Variants in DYM observed in about 807,000 individuals in gnomAD.
DYM encodes dyggve-Melchior-Clausen syndrome protein.
Under a neutral mutation model 93.1 loss-of-function variants are expected in DYM, and 78 were observed. That is an observed-to-expected ratio of 0.84 (90% confidence interval 0.70 to 1.01). The LOEUF is 1.01. Among genes scored for constraint, DYM ranks in the 50% least tolerant of loss-of-function variants. The pLI, the probability that DYM is intolerant of heterozygous loss-of-function variation, is 0.00. For missense variants in DYM, 789 were observed against 845.0 expected (o/e 0.93, Z 0.82); for synonymous variants, 321 against 319.7 (o/e 1.00, Z -0.04).
chr18:49,300,070 AATATATATATAT>A (rs948967726), intron 8 of DYM, among the ~76,000 whole-genome samples: 1,538 of 141,650 alleles, frequency 0.011, 29 homozygotes, highest in African/African-American at 0.039. Context: ...TATATATATA[AATATATATATAT>A]ATAAATATAT....
chr18:49,354,995 T>C (rs1394023208), intron 6 of DYM, among the ~76,000 whole-genome samples: 1 of 149,962 alleles, frequency 6.7e-6, no homozygotes, highest in Non-Finnish European at 1.5e-5. Context: ...TCTTACAAAA[T>C]TAAACATATT....
At chr18:49,195,422 C>T (rs546128441) in intron 14 of DYM, among the ~76,000 whole-genome samples, 1 of 152,272 alleles carries the variant, frequency 6.6e-6, no homozygotes, top group African/African-American at 2.4e-5. Flanking sequence ...ATTCTCTCTT[C>T]TAGTTTTTTG....
chr18:49,055,825 C>T (rs773437549), intron 17 of DYM, among the ~76,000 whole-genome samples: 7 of 152,224 alleles, frequency 4.6e-5, no homozygotes, highest in Non-Finnish European at 7.3e-5. Context: ...GCAAAGACTA[C>T]GATGAGCTGA....
At chr18:49,418,553 G>A (rs2073269316) in intron 2 of DYM, among the ~76,000 whole-genome samples, 1 of 152,170 alleles carries the variant, frequency 6.6e-6, no homozygotes, top group Non-Finnish European at 1.5e-5. Context: ...TTAATAGTAA[G>A]GAAGGATTAG....
intron 13 of DYM, among the ~76,000 whole-genome samples, chr18:49,248,970 A>ATCCC (rs1180048634): frequency 1.3e-5 from 2 of 152,214 alleles, no homozygotes; most frequent in Non-Finnish European, 2.9e-5. Context: ...ATAGATTGGG[A>ATCCC]GGCAGGTGGA....
intron 17 of DYM, among the ~76,000 whole-genome samples, chr18:49,049,179 T>C (rs2072050319): frequency 6.6e-6 from 1 of 152,258 alleles, no homozygotes; most frequent in Admixed American, 6.5e-5. Context: ...CTAGCATTTA[T>C]AGCTAATACA....
intron 8 of DYM, among the ~76,000 whole-genome samples, chr18:49,301,495 T>C (rs953570737): frequency 7.3e-6 from 1 of 137,154 alleles, no homozygotes; most frequent in African/African-American, 2.8e-5. Context: ...CGCTCCAGCC[T>C]GGGTGACAGA....
chr18:49,180,927 G>A (rs1262031226), intron 14 of DYM, among the ~76,000 whole-genome samples: 1 of 152,140 alleles, frequency 6.6e-6, no homozygotes, highest in Admixed American at 6.6e-5. Context: ...GGAGGACTGT[G>A]GGCTCTGCAT....
At chr18:49,379,158 T>C (rs1032325546) in intron 4 of DYM, among the ~76,000 whole-genome samples, 1 of 152,190 alleles carries the variant, frequency 6.6e-6, no homozygotes, top group African/African-American at 2.4e-5. Flanking sequence ...AAAAACTTTA[T>C]TGGATTCAAT....
chr18:49,325,953 T>C (rs1407835472), intron 8 of DYM, among the ~76,000 whole-genome samples: 2 of 152,216 alleles, frequency 1.3e-5, no homozygotes, highest in Non-Finnish European at 2.9e-5. Flanking sequence ...TTAGTAGTAC[T>C]GGCTCAACCA....
At chr18:49,266,263 T>C (rs965685715) in intron 11 of DYM, among the ~76,000 whole-genome samples, 5 of 152,178 alleles carry the variant, frequency 3.3e-5, no homozygotes, top group Non-Finnish European at 5.9e-5. Context: ...ACAATGATTC[T>C]AACATCTTAG....
chr18:49,294,702 C>A (rs1455072711), intron 8 of DYM, among the ~76,000 whole-genome samples: 1 of 151,998 alleles, frequency 6.6e-6, no homozygotes, highest in East Asian at 1.9e-4. Context: ...ACTGCTTTTT[C>A]ATATTAAACA....
chr18:49,217,822 G>C (rs1032719066), intron 13 of DYM, among the ~76,000 whole-genome samples: 1 of 152,152 alleles, frequency 6.6e-6, no homozygotes, highest in East Asian at 1.9e-4. Flanking sequence ...AAAGACCGTC[G>C]AGGCTGGGAA....
intron 13 of DYM, among the ~76,000 whole-genome samples, chr18:49,250,145 A>G (rs2094254787): frequency 6.6e-6 from 1 of 152,234 alleles, no homozygotes; most frequent in Non-Finnish European, 1.5e-5. Context: ...CTAAGTTTAA[A>G]TTCCAGATGC....
intron 15 of DYM, among the ~76,000 whole-genome samples, chr18:49,127,105 A>C (rs766358968): frequency 2.6e-5 from 4 of 152,192 alleles, no homozygotes; most frequent in Non-Finnish European, 5.9e-5. Context: ...CTAGCTCATC[A>C]ATGGAGCAGC....
chr18:49,176,117 T>A (rs1443098014), intron 14 of DYM, among the ~76,000 whole-genome samples: 1 of 152,140 alleles, frequency 6.6e-6, no homozygotes, highest in African/African-American at 2.4e-5. Flanking sequence ...AACTCAGGAA[T>A]TGAATTTCCC....
At chr18:49,455,146 G>A (rs775086401) in intron 1 of DYM, among the ~76,000 whole-genome samples, 14 of 152,144 alleles carry the variant, frequency 9.2e-5, no homozygotes, top group East Asian at 3.8e-4. Flanking sequence ...CATAGTAACC[G>A]TACAACTGCA....
intron 2 of DYM, among the ~76,000 whole-genome samples, chr18:49,396,152 A>G (rs922994934): frequency 1.3e-5 from 2 of 152,236 alleles, no homozygotes; most frequent in Non-Finnish European, 2.9e-5. Context: ...ACCAGCCTGC[A>G]GAAGTGTGAG....
chr18:49,157,709 A>C (rs1294593898), intron 15 of DYM, among the ~76,000 whole-genome samples: 1 of 152,306 alleles, frequency 6.6e-6, no homozygotes, highest in Middle Eastern at 3.4e-3. Context: ...CCCATTCTGT[A>C]GATTGTCTTT....
Sources: gnomAD v4.1 joint callset for allele counts (sites outside exome capture counted in the v4.1 genomes callset) on GRCh38, gnomAD v4.1.1 for gene constraint, MANE v1.5 for transcripts, NCBI Gene and HGNC (gene_info 2026-07-23, HGNC 2026-07-21) for gene names.